Variants in DDAH2 observed in about 807,000 individuals in gnomAD.
DDAH2 encodes the protein DDAH family member 2, ADMA-independent, also known as putative hydrolase DDAH2.
DDAH2 carries 8 observed loss-of-function variants against 24.8 expected under a neutral mutation model. That is an observed-to-expected ratio of 0.32 (90% CI 0.19 to 0.58). DDAH2 has a LOEUF of 0.58. DDAH2 is among the 20% of genes least tolerant of loss of function. DDAH2 has a pLI of 0.87. For missense variants in DDAH2, 281 were observed against 379.0 expected (o/e 0.74, Z 2.15); for synonymous variants, 151 against 166.1 (o/e 0.91, Z 0.70).
At position 31,728,449 on chromosome 6, in the gene DDAH2, A is replaced by G; in HGVS notation, c.471+2T>C. ...CCTCCCTAGGCTGGTCCCGCTCCGC[A>G]CCCGGAACGTGTCCGCCACGATCTC... On this transcript the variant is annotated splice_donor_variant, in intron 3 of 5. Transcript: ENST00000375789. LOFTEE classifies it high-confidence loss of function. This position sits in a 1 kb window ranked among gnomAD's most constrained non-coding sequence, Gnocchi z 9.8. 1 of 1,610,314 alleles carries G rather than the reference A, an allele frequency of 6.2e-7. No individual in the cohort carries two copies. The highest frequency in any genetic ancestry group is 8.5e-7 in the Non-Finnish European group (1 of 1,179,238).
At position 31,728,300 on chromosome 6, in the gene DDAH2, G is replaced by A. The variant is rs765478507; in HGVS notation, c.472-8C>T. The A allele has an allele frequency of 1.9e-6, 3 of 1,607,010 alleles. No individual in the cohort carries two copies. Among genetic ancestry groups the A allele is most frequent in the Admixed American group, 1.7e-5 (1 of 59,504 alleles). ...AGTGGAGACGGCGAAGTCCTAGGGA[G>A]AGCGAAGGGAGGTATTCAGGGGCGC... On this transcript the variant is annotated splice_polypyrimidine_tract_variant and splice_region_variant and intron_variant, in intron 3 of 5. Transcript: ENST00000375789. This position sits in a 1 kb window ranked among gnomAD's most constrained non-coding sequence, Gnocchi z 9.8.
In DDAH2 at chr6:31,728,727, C is replaced by T. The variant is rs1421919525; in HGVS notation, c.316G>A (p.Ala106Thr). The T allele has an allele frequency of 1.2e-6, 2 of 1,613,040 alleles. No homozygotes were observed. Among genetic ancestry groups the T allele is most frequent in the East Asian group, 2.2e-5 (1 of 44,874 alleles). Residue 106 changes from alanine to threonine, a missense_variant, in exon 2 of 6, where the codon GCC becomes ACC. By Grantham distance (58) the Ala-to-Thr change is moderately conservative (BLOSUM62 0). Coordinates refer to ENST00000375789, the MANE Select transcript of DDAH2 (RefSeq NM_001303007.2). The surrounding 1 kb of genome is among the most constrained non-coding windows in gnomAD (Gnocchi z 9.8). Reference protein sequence around the residue: ...RRPEVDGVRKALQDLGLRIVE... With the variant: ...RRPEVDGVRKTLQDLGLRIVE... Reference sequence around the variant, plus strand: ...ATTCGGAGCCCCAGGTCTTGCAGGGCTTTGCGGACTCCATCGACCTTAGGA... The same window carrying T: ...ATTCGGAGCCCCAGGTCTTGCAGGGTTTTGCGGACTCCATCGACCTTAGGA...
At position 31,727,285 on chromosome 6, in the gene DDAH2, G is replaced by A. The variant is rs774318297; in HGVS notation, c.810C>T (p.Ala270=). ...GCACCAAGCAGAGGGAGCTGAGCCC[G>A]GCGCCAGCCTTCTCCAGTTCTGAGC... is the stretch of plus-strand genomic sequence containing the variant. ...VSCSELEKAG[A]GLSSLCLVLS... is the part of the protein sequence containing the mutation. The change falls in exon 6 of 6, where the codon GCC becomes GCT. Residue 270 remains alanine, a synonymous_variant. Coordinates refer to ENST00000375789, the MANE Select transcript of DDAH2 (RefSeq NM_001303007.2). The surrounding 1 kb of genome is among the most constrained non-coding windows in gnomAD (Gnocchi z 6.0). The A allele has an allele frequency of 9.9e-6, 16 of 1,612,950 alleles. No individual in the cohort carries two copies. Among genetic ancestry groups the A allele is most frequent in the East Asian group, 8.9e-5 (4 of 44,904 alleles).
chr6:31,729,290 G>A lies in DDAH2; in HGVS notation c.-129C>T. ...ACATGCAGACAAGGGCGTTGGGGGTGGTTAAGAGCGCCCAGGTCTTCCTCC... is the reference window on the plus strand; with the variant it reads ...ACATGCAGACAAGGGCGTTGGGGGTAGTTAAGAGCGCCCAGGTCTTCCTCC... On this transcript the variant is annotated 5_prime_UTR_variant, in exon 1 of 6. Coordinates refer to ENST00000375789, the MANE Select transcript of DDAH2 (RefSeq NM_001303007.2). The surrounding 1 kb of genome is among the most constrained non-coding windows in gnomAD (Gnocchi z 6.7). 2 of 804,760 alleles carry A rather than the reference G, an allele frequency of 2.5e-6. No individual in the cohort carries two copies. Among genetic ancestry groups the A allele is most frequent in the Non-Finnish European group, 3.9e-6 (2 of 513,688 alleles). The allele number at this position is 804,760 out of a possible 1,614,324, so 49.9% of individuals were successfully genotyped here.
At position 31,728,873 on chromosome 6, in the gene DDAH2, T is replaced by C. The variant is rs1439697456; in HGVS notation, c.289A>G (p.Arg97Gly). ...LITRPWSPAR[R>G]PEVDGVRKAL... ...CGCGCCACGGCGCTCACCTCTGGCC[T>C]ACGAGCGGGGCTCCAGGGCCGCGTG... Residue 97 changes from arginine to glycine, a missense_variant, in exon 1 of 6, where the codon AGG becomes GGG. Coordinates refer to ENST00000375789, the MANE Select transcript of DDAH2 (RefSeq NM_001303007.2). This position sits in a 1 kb window ranked among gnomAD's most constrained non-coding sequence, Gnocchi z 9.8. 1 of 1,612,682 alleles carries C rather than the reference T, an allele frequency of 6.2e-7. No homozygotes were observed. The highest frequency in any genetic ancestry group is 2.2e-5 in the East Asian group (1 of 44,876).
chr6:31,728,663 G>C lies in DDAH2; in HGVS notation c.380C>G (p.Thr127Ser). 1 of 1,613,006 alleles carries C rather than the reference G, an allele frequency of 6.2e-7. No individual in the cohort carries two copies. Among genetic ancestry groups the C allele is most frequent in the Non-Finnish European group, 8.5e-7 (1 of 1,180,008 alleles). Residue 127 changes from threonine to serine, a missense_variant, in exon 2 of 6, where the codon ACT (threonine) becomes AGT (serine). Thr to Ser is a moderately conservative substitution (Grantham distance 58, BLOSUM62 1). Transcript: ENST00000375789. This position sits in a 1 kb window ranked among gnomAD's most constrained non-coding sequence, Gnocchi z 9.8. ...IGDENATLDG[T>S]DVLFTGREFF... The stretch of plus-strand genomic sequence containing the variant: ...AGCCTCACCGGTGAAGAGAACGTCA[G>C]TGCCATCCAGCGTCGCGTTCTCGTC...
At chr6:31,730,031 G>GC (rs138134716), upstream of DDAH2, 5,129 of 152,610 alleles carry the variant, frequency 0.034, 158 homozygotes, top group African/African-American at 0.067. This position sits in a 1 kb window ranked among gnomAD's most constrained non-coding sequence, Gnocchi z 5.1. Flanking sequence ...ACGGTTCAGG[G>GC]CCCCCCACGC....
In DDAH2 at chr6:31,727,770, G is replaced by A; in HGVS notation, c.592-78C>T. The stretch of plus-strand genomic sequence containing the variant: ...GCCTGCTCAACCACCACTAAGGGCT[G>A]GGGACGGACTGACATTTGTGGAAAA... On this transcript the variant is annotated intron_variant, in intron 4 of 5. Coordinates refer to ENST00000375789, the MANE Select transcript of DDAH2 (RefSeq NM_001303007.2). The surrounding 1 kb of genome is among the most constrained non-coding windows in gnomAD (Gnocchi z 6.0). 1 of 1,461,958 alleles carries A rather than the reference G, an allele frequency of 6.8e-7. No homozygotes were observed. The highest frequency in any genetic ancestry group is 9.2e-7 in the Non-Finnish European group (1 of 1,084,812). The allele number at this position is 1,461,958 out of a possible 1,614,324, so 90.6% of individuals were successfully genotyped here. A position where few individuals can be genotyped will look rare whatever the true frequency, so the allele number is the denominator to read the frequency against.
rs753483978 is a variant in DDAH2, at chr6:31,729,180, C to A, written c.-19G>T. ...TCCCCATCCCATCCACACAGACTCC[C>A]CCTCCAACCGCTCGGATTTCTTAGT... On this transcript the variant is annotated 5_prime_UTR_variant, in exon 1 of 6. Transcript: ENST00000375789. This position sits in a 1 kb window ranked among gnomAD's most constrained non-coding sequence, Gnocchi z 6.7. 1 of 1,542,342 alleles carries A rather than the reference C, an allele frequency of 6.5e-7. No homozygotes were observed.
In DDAH2 at chr6:31,729,122, C is replaced by G. The variant is rs149644767; in HGVS notation, c.40G>C (p.Ala14Pro). The change falls in exon 1 of 6, where the codon GCC becomes CCC. Residue 14 changes from alanine (A) to proline (P), a missense_variant. Physicochemically the swap from Ala to Pro is conservative, Grantham distance 27. Coordinates refer to ENST00000375789, the MANE Select transcript of DDAH2 (RefSeq NM_001303007.2). The surrounding 1 kb of genome is among the most constrained non-coding windows in gnomAD (Gnocchi z 6.7). ...CTCTCTGGGACTCCCCGGATCAGGG[C>G]ATGGGAGCAGCGGCCCAGCCCCTCC... Reference protein sequence around the residue: ...PGEGLGRCSHALIRGVPESLA... With the variant: ...PGEGLGRCSHPLIRGVPESLA... 6.2e-7 allele frequency: 1 copy of G among 1,612,514 alleles called. No individual in the cohort carries two copies. The highest frequency in any genetic ancestry group is 8.5e-7 in the Non-Finnish European group (1 of 1,179,782).
rs1257693038 is a variant in DDAH2, at chr6:31,729,207, T to C, written c.-46A>G. ...CTCCAACCGCTCGGATTTCTTAGTT[T>C]TCTTGTTTCTTCACCTGTCTGGGAG... On this transcript the variant is annotated 5_prime_UTR_variant, in exon 1 of 6. Coordinates refer to ENST00000375789, the MANE Select transcript of DDAH2 (RefSeq NM_001303007.2). The surrounding 1 kb of genome is among the most constrained non-coding windows in gnomAD (Gnocchi z 6.7). 2.1e-6 allele frequency: 3 copies of C among 1,403,602 alleles called. No homozygotes were observed. The Admixed American group carries it at 6.3e-5, about 30-fold the overall frequency. 86.9% of individuals were successfully genotyped at this position (1,403,602 alleles called of 1,614,324 possible). A position where few individuals can be genotyped will look rare whatever the true frequency, so the allele number is the denominator to read the frequency against.
rs1807571862 is a variant in DDAH2 at position 31,728,530 on chromosome 6, T to G, written c.398-6A>C. 1.9e-6 allele frequency: 3 copies of G among 1,612,120 alleles called. No individual in the cohort carries two copies. In the Admixed American group the frequency reaches 5.0e-5, roughly 27 times the overall value. On this transcript the variant is annotated splice_polypyrimidine_tract_variant and splice_region_variant and intron_variant, in intron 2 of 5. Coordinates refer to ENST00000375789, the MANE Select transcript of DDAH2 (RefSeq NM_001303007.2). The surrounding 1 kb of genome is among the most constrained non-coding windows in gnomAD (Gnocchi z 9.8). ...GCCTACGAAAAACTCCCGGCCTGAG[T>G]CCGGGAGGCCGCGGAGGTTTGAGGG...
Position 31,729,030 on chromosome 6 carries a change from C to A in DDAH2, c.132G>T (p.Glu44Asp). 3 of 1,613,070 alleles carry A rather than the reference C, an allele frequency of 1.9e-6. No individual in the cohort carries two copies. Among genetic ancestry groups the A allele is most frequent in the Non-Finnish European group, 2.5e-6 (3 of 1,180,016 alleles). ...PALDLAKAQR[E>D]HGVLGGKLRQ... ...TCAGTTTACCTCCCAGCACCCCGTG[C>A]TCCCTTTGAGCTTTGGCCAGATCCA... Residue 44 changes from glutamate to aspartate, a missense_variant, in exon 1 of 6, where the codon GAG becomes GAT. Glu to Asp is a conservative substitution (Grantham distance 45, BLOSUM62 2). Transcript: ENST00000375789. This position sits in a 1 kb window ranked among gnomAD's most constrained non-coding sequence, Gnocchi z 6.7.
chr6:31,728,197 G>A lies in DDAH2; in HGVS notation c.567C>T (p.Ser189=). 6.2e-7 allele frequency: 1 copy of A among 1,612,180 alleles called. No homozygotes were observed. Among genetic ancestry groups the A allele is most frequent in the Non-Finnish European group, 8.5e-7 (1 of 1,179,880 alleles). Reference sequence around the variant, plus strand: ...CCCGGACAGCCTTTTGGGCAGCGTCGCTGCTGCCTGCCACAACAGTGCGAG... The same window carrying A: ...CCCGGACAGCCTTTTGGGCAGCGTCACTGCTGCCTGCCACAACAGTGCGAG... The part of the protein sequence containing the change: ...GGPRTVVAGS[S]DAAQKAVRAM... Residue 189 remains serine, a synonymous_variant, in exon 4 of 6, where the codon AGC becomes AGT. Transcript: ENST00000375789. This position sits in a 1 kb window ranked among gnomAD's most constrained non-coding sequence, Gnocchi z 9.8.
chr6:31,727,258 G>A lies in DDAH2; in HGVS notation c.837C>T (p.Leu279=), dbSNP rs773004243. The A allele has an allele frequency of 3.2e-5, 52 of 1,612,890 alleles. No individual in the cohort carries two copies. The highest frequency in any genetic ancestry group is 4.2e-5 in the Non-Finnish European group (50 of 1,179,970). Residue 279 remains leucine (L), a synonymous_variant, in exon 6 of 6, where the codon CTC becomes CTT. Transcript: ENST00000375789. The surrounding 1 kb of genome is among the most constrained non-coding windows in gnomAD (Gnocchi z 6.0). ...GCCCTCAGCTGTGGGGGCGTGTGCTGAGCACCAAGCAGAGGGAGCTGAGCC... is the reference window on the plus strand; with the variant it reads ...GCCCTCAGCTGTGGGGGCGTGTGCTAAGCACCAAGCAGAGGGAGCTGAGCC... ...GAGLSSLCLV[L]STRPHS
rs757162385 is a variant in DDAH2, at chr6:31,729,026, C to T, written c.136G>A (p.Gly46Arg). Reference sequence around the variant, plus strand: ...TGCCTCAGTTTACCTCCCAGCACCCCGTGCTCCCTTTGAGCTTTGGCCAGA... The same window carrying T: ...TGCCTCAGTTTACCTCCCAGCACCCTGTGCTCCCTTTGAGCTTTGGCCAGA... ...LDLAKAQREH[G>R]VLGGKLRQRL... Residue 46 changes from glycine to arginine, a missense_variant, in exon 1 of 6, where the codon GGG becomes AGG. By Grantham distance (125) the Gly-to-Arg change is moderately radical. Transcript: ENST00000375789. The surrounding 1 kb of genome is among the most constrained non-coding windows in gnomAD (Gnocchi z 6.7). The T allele has an allele frequency of 1.9e-6, 3 of 1,613,052 alleles. No homozygotes were observed. The highest frequency in any genetic ancestry group is 2.2e-5 in the East Asian group (1 of 44,872).
chr6:31,730,099 C>G (rs1341210849), upstream of DDAH2: 1 of 152,514 alleles, frequency 6.6e-6, no homozygotes, highest in Non-Finnish European at 1.5e-5. The surrounding 1 kb of genome is among the most constrained non-coding windows in gnomAD (Gnocchi z 5.1). Context: ...CGGCTGGGGC[C>G]CCACCCCCCG....
rs1292656131 is a variant in DDAH2, at chr6:31,728,626, A to ATGCC, written c.397+16_397+19dup. 2 of 1,612,402 alleles carry ATGCC rather than the reference A, an allele frequency of 1.2e-6. No homozygotes were observed. The highest frequency in any genetic ancestry group is 2.2e-5 in the South Asian group (2 of 91,044). On this transcript the variant is annotated intron_variant, in intron 2 of 5. Coordinates refer to ENST00000375789, the MANE Select transcript of DDAH2 (RefSeq NM_001303007.2). This position sits in a 1 kb window ranked among gnomAD's most constrained non-coding sequence, Gnocchi z 9.8. ...ACTCTACTTCCCTGTGCCAAGACCT[A>ATGCC]TGCCTCCCCCCAGCCTCACCGGTGA...
At position 31,729,283 on chromosome 6, in the gene DDAH2, TG is replaced by T; in HGVS notation, c.-123del. 1.1e-6 allele frequency: 1 copy of T among 916,888 alleles called. No homozygotes were observed. The highest frequency in any genetic ancestry group is 1.6e-6 in the Non-Finnish European group (1 of 610,970). The allele number at this position is 916,888 out of a possible 1,614,324, so 56.8% of individuals were successfully genotyped here. Reference sequence around the variant, plus strand: ...GAAAAAGACATGCAGACAAGGGCGTTGGGGGTGGTTAAGAGCGCCCAGGTCT... The same window carrying T: ...GAAAAAGACATGCAGACAAGGGCGTTGGGGTGGTTAAGAGCGCCCAGGTCT... On this transcript the variant is annotated 5_prime_UTR_variant, in exon 1 of 6. Transcript: ENST00000375789. The surrounding 1 kb of genome is among the most constrained non-coding windows in gnomAD (Gnocchi z 6.7).
Sources: allele counts gnomAD v4.1 joint callset, GRCh38; gene constraint gnomAD v4.1.1; non-coding constraint Gnocchi (gnomAD v3.1); transcripts MANE v1.5; gene names NCBI Gene and HGNC (gene_info 2026-07-23, HGNC 2026-07-21).